The following SLC25A12 variants were observed in gnomAD, a reference collection of about 807,000 sequenced individuals.
The protein encoded by SLC25A12 is solute carrier family 25 member 12, also known as electrogenic aspartate/glutamate antiporter SLC25A12, mitochondrial.
SLC25A12 carries 32 observed loss-of-function variants against 83.3 expected under a neutral mutation model. That is an observed-to-expected ratio of 0.38 (90% CI 0.29 to 0.52). The LOEUF (loss-of-function observed/expected upper bound fraction) is 0.52, where lower values mean the gene tolerates loss of function less well. SLC25A12 is among the 20% of genes least tolerant of loss of function. SLC25A12 has a pLI of 0.84. For synonymous variants in SLC25A12, 267 were observed against 291.1 expected, an observed-to-expected ratio of 0.92 and a Z score of 0.84; for missense variants, 611 against 835.6, an observed-to-expected ratio of 0.73 and a Z score of 3.31.
At chr2:171,867,973 T>C (rs919650459) in intron 3 of SLC25A12, among the ~76,000 whole-genome samples, 1 of 152,042 alleles carries the variant, frequency 6.6e-6, no homozygotes, top group Non-Finnish European at 1.5e-5. Flanking sequence ...GGCTCCCAAG[T>C]AGCTGGGACT....
chr2:171,786,208 T>C (rs1270992997), intron 17 of SLC25A12, among the ~76,000 whole-genome samples: 1 of 150,428 alleles, frequency 6.6e-6, no homozygotes. Flanking sequence ...ACCCCGTCTC[T>C]ACTAAAAATA....
chr2:171,871,135 G>C lies in SLC25A12; in HGVS notation c.67-2312C>G, dbSNP rs141973672. On this transcript the variant is annotated intron_variant, in intron 2 of 17. Coordinates refer to ENST00000422440, the MANE Select transcript of SLC25A12 (RefSeq NM_003705.5). ...GAGGATCACTGGAACTTGGGAGGTC[G>C]AGACTACAGTGAGCCATGATTGTGC... 3.2e-4 allele frequency among the ~76,000 whole-genome samples: 49 copies of C among 152,190 alleles called. No homozygotes were observed. The East Asian group carries it at 8.3e-3, about 26-fold the overall frequency.
chr2:171,852,160 C>G (rs1314451376), intron 4 of SLC25A12, among the ~76,000 whole-genome samples: 1 of 152,142 alleles, frequency 6.6e-6, no homozygotes, highest in African/African-American at 2.4e-5. Context: ...ACTCCAGAAC[C>G]CTTTCCTGAG....
At chr2:171,824,801 A>C (rs983633136) in intron 9 of SLC25A12, among the ~76,000 whole-genome samples, 2 of 151,886 alleles carry the variant, frequency 1.3e-5, no homozygotes, top group Admixed American at 1.3e-4. Context: ...TAATGGAAAT[A>C]AACTTTTTTC....
At chr2:171,888,013 G>A (rs1685856818) in intron 2 of SLC25A12, among the ~76,000 whole-genome samples, 1 of 151,368 alleles carries the variant, frequency 6.6e-6, no homozygotes, top group African/African-American at 2.4e-5. Flanking sequence ...CCCTTCTTAT[G>A]AACTCCCACA....
At chr2:171,882,795 G>T (rs752029971) in intron 2 of SLC25A12, among the ~76,000 whole-genome samples, 62 of 152,102 alleles carry the variant, frequency 4.1e-4, no homozygotes, top group Non-Finnish European at 7.1e-4. Flanking sequence ...GAACAGGGAG[G>T]TGGTGATTTT....
chr2:171,837,080 T>G, intron 6 of SLC25A12, 41 bp downstream of exon 6: 2 of 1,607,256 alleles, frequency 1.2e-6, no homozygotes, highest in Non-Finnish European at 1.7e-6. Flanking sequence ...GATCAAAAGG[T>G]TTGAGGAAAT....
At chr2:171,845,856 T>A (rs1328116833) in intron 4 of SLC25A12, 1 of 455,080 alleles carries the variant, frequency 2.2e-6, no homozygotes, top group African/African-American at 2.0e-5. Context: ...ATTCATTTCT[T>A]CCCTAAGTAG....
At chr2:171,875,891 C>T (rs952838376) in intron 2 of SLC25A12, among the ~76,000 whole-genome samples, 5 of 109,670 alleles carry the variant, frequency 4.6e-5, no homozygotes, top group Admixed American at 1.3e-4. Context: ...ACAGCCTGGG[C>T]GAGCGCAAGA....
chr2:171,811,892 G>T (rs1400613154), intron 11 of SLC25A12, among the ~76,000 whole-genome samples: 1 of 152,076 alleles, frequency 6.6e-6, no homozygotes, highest in Non-Finnish European at 1.5e-5. Context: ...AGAGGAGAAA[G>T]GTCATTATTC....
In SLC25A12 at chr2:171,785,154, A is replaced by C. The variant is rs1690463401; in HGVS notation, c.*120T>G. ...CAAGTATATGTATATGTCATACAGA[A>C]AGAAGAGTTTGACTCCTCAGCTCAG... On this transcript the variant is annotated 3_prime_UTR_variant, in exon 18 of 18. Coordinates refer to ENST00000422440, the MANE Select transcript of SLC25A12 (RefSeq NM_003705.5). 2.3e-6 allele frequency: 2 copies of C among 876,900 alleles called. No homozygotes were observed. Among genetic ancestry groups the C allele is most frequent in the Non-Finnish European group, 3.8e-6 (2 of 529,984 alleles). 54.3% of individuals were successfully genotyped at this position (876,900 alleles called of 1,614,324 possible). A position where few individuals can be genotyped will look rare whatever the true frequency, so the allele number is the denominator to read the frequency against.
In SLC25A12 at chr2:171,785,109, G is replaced by A. The variant is rs113403751; in HGVS notation, c.*165C>T. On this transcript the variant is annotated 3_prime_UTR_variant, in exon 18 of 18. Transcript: ENST00000422440. The stretch of plus-strand genomic sequence containing the variant: ...AACAGCGTTGTGGTTTTTTCCCTGG[G>A]CAAATGATTATTTTATAAACAAGTA... 7,788 of 673,534 alleles carry A rather than the reference G, an allele frequency of 0.012. 52 individuals carry two copies. Among genetic ancestry groups the A allele is most frequent in the Non-Finnish European group, 0.016 (6,053 of 385,636 alleles). The allele number at this position is 673,534 out of a possible 1,614,324, so 41.7% of individuals were successfully genotyped here.
At chr2:171,838,425 T>A (rs768879641) in intron 5 of SLC25A12, among the ~76,000 whole-genome samples, 3 of 152,186 alleles carry the variant, frequency 2.0e-5, no homozygotes, top group Non-Finnish European at 2.9e-5. Context: ...TTGGTCCCCA[T>A]GGCAAAGATA....
intron 9 of SLC25A12, among the ~76,000 whole-genome samples, chr2:171,815,593 TA>T (rs1447584259): frequency 6.6e-6 from 1 of 152,180 alleles, no homozygotes; most frequent in Non-Finnish European, 1.5e-5. Flanking sequence ...TTAACTAACT[TA>T]AAATTTAAAA....
At position 171,791,480 on chromosome 2, in the gene SLC25A12, A is replaced by G; in HGVS notation, c.1556T>C (p.Leu519Ser). The G allele has an allele frequency of 6.2e-7, 1 of 1,614,164 alleles. No homozygotes were observed. The highest frequency in any genetic ancestry group is 8.5e-7 in the Non-Finnish European group (1 of 1,179,976). Residue 519 changes from leucine to serine, a missense_variant, in exon 15 of 18, where the codon TTA (leucine) becomes TCA (serine). Transcript: ENST00000422440. ...LADENGHVGG[L>S]NLLAAGAMAG... Reference sequence around the variant, plus strand: ...CATGGCTCCAGCTGCAAGAAGATTTAAACCTCCCACGTGTCCATTTTCATC... The same window carrying G: ...CATGGCTCCAGCTGCAAGAAGATTTGAACCTCCCACGTGTCCATTTTCATC...
At position 171,871,521 on chromosome 2, in the gene SLC25A12, G is replaced by A. The variant is rs903276620; in HGVS notation, c.67-2698C>T. Among the ~76,000 whole-genome samples the A allele has an allele frequency of 1.1e-4, 17 of 152,200 alleles. No individual in the cohort carries two copies. The East Asian group carries it at 1.4e-3, about 12-fold the overall frequency. On this transcript the variant is annotated intron_variant, in intron 2 of 17. Coordinates refer to ENST00000422440, the MANE Select transcript of SLC25A12 (RefSeq NM_003705.5). ...ATTTTTAGTAGAGACGGGTTTCACC[G>A]TGTTAGGCCAGGATGGTCTTGATCT...
chr2:171,868,632 C>T, intron 3 of SLC25A12, 49 bp downstream of exon 3: 1 of 1,590,220 alleles, frequency 6.3e-7, no homozygotes, highest in Non-Finnish European at 8.6e-7. Context: ...AAATTTTTAA[C>T]AATATATTCC....
chr2:171,823,705 C>T (rs1234925773), intron 9 of SLC25A12, among the ~76,000 whole-genome samples: 1 of 152,116 alleles, frequency 6.6e-6, no homozygotes, highest in Non-Finnish European at 1.5e-5. Context: ...ACACTGTAAT[C>T]CCAGCACTTT....
chr2:171,819,205 TATA>T (rs1481380660), intron 9 of SLC25A12, among the ~76,000 whole-genome samples: 11 of 133,526 alleles, frequency 8.2e-5, no homozygotes, highest in African/African-American at 3.1e-4. Flanking sequence ...TATATTAATA[TATA>T]ATATATAATA....
Sources: gnomAD v4.1 joint callset for allele counts (sites outside exome capture counted in the v4.1 genomes callset) on GRCh38, gnomAD v4.1.1 for gene constraint, MANE v1.5 for transcripts, NCBI Gene and HGNC (gene_info 2026-07-23, HGNC 2026-07-21) for gene names.